Variants in TRIM61 observed in about 807,000 individuals in gnomAD.
TRIM61 encodes the protein putative tripartite motif-containing protein 61.
In TRIM61, 1 loss-of-function variant was observed where a neutral mutation model predicts 14.2. That is an observed-to-expected ratio of 0.07 (90% CI 0.03 to 0.33). TRIM61 has a LOEUF of 0.33. TRIM61 is among the 10% of genes least tolerant of loss of function. The pLI, the probability that TRIM61 is intolerant of heterozygous loss-of-function variation, is 0.99. For synonymous variants in TRIM61, 8 were observed against 71.6 expected (o/e 0.11, Z 4.49); for missense variants, 19 against 202.2 (o/e 0.09, Z 5.49).
At chr4:164,966,880 T>C (rs762630216) in intron 3 of TRIM61, among the ~76,000 whole-genome samples, 8 of 151,966 alleles carry the variant, frequency 5.3e-5, no homozygotes, top group Non-Finnish European at 7.4e-5. Context: ...TGAGACGAGA[T>C]AATGCCATTG....
chr4:164,963,266 C>T (rs1732173510), intron 3 of TRIM61, among the ~76,000 whole-genome samples: 1 of 152,026 alleles, frequency 6.6e-6, no homozygotes, highest in Non-Finnish European at 1.5e-5. Flanking sequence ...TTTTGAAGTC[C>T]ATGGTGGGTG....
intron 2 of TRIM61, among the ~76,000 whole-genome samples, chr4:164,971,223 T>G (rs1732358345): frequency 6.6e-6 from 1 of 152,170 alleles, no homozygotes; most frequent in South Asian, 2.1e-4. Flanking sequence ...TAAAATGCCC[T>G]TGTTGTTAGG....
intron 3 of TRIM61, chr4:164,969,121 T>C (rs545215199): frequency 2.7e-6 from 3 of 1,117,202 alleles, no homozygotes; most frequent in African/African-American, 1.7e-5. Flanking sequence ...TTACATCTAC[T>C]TGAAATCGCT....
chr4:164,959,026 T>C (rs1490605627), intron 3 of TRIM61: 1 of 167,138 alleles, frequency 6.0e-6, no homozygotes, highest in Admixed American at 6.5e-5. Flanking sequence ...CATATGACTA[T>C]ATAATTGTTC....
At chr4:164,961,025 G>T (rs1732118673) in intron 3 of TRIM61, among the ~76,000 whole-genome samples, 1 of 150,396 alleles carries the variant, frequency 6.6e-6, no homozygotes, top group Non-Finnish European at 1.5e-5. Flanking sequence ...TTTTACAAAA[G>T]AAACAAAAAA....
chr4:164,958,773 T>G (rs1374942176), intron 3 of TRIM61: 1 of 167,064 alleles, frequency 6.0e-6, no homozygotes, highest in Non-Finnish European at 1.5e-5. Flanking sequence ...CAAAACAGGC[T>G]TATATAAAAA....
chr4:164,959,340 T>C (rs1214340846), intron 3 of TRIM61, among the ~76,000 whole-genome samples: 1 of 152,096 alleles, frequency 6.6e-6, no homozygotes, highest in Non-Finnish European at 1.5e-5. Flanking sequence ...AAGAATTATC[T>C]TTTATCTTCT....
At chr4:164,960,936 G>T (rs1378637863) in intron 3 of TRIM61, among the ~76,000 whole-genome samples, 1 of 151,912 alleles carries the variant, frequency 6.6e-6, no homozygotes, top group Non-Finnish European at 1.5e-5. Flanking sequence ...GGGTGGCAGA[G>T]TAAGACTCTA....
chr4:164,965,801 CA>C (rs1453689878), intron 3 of TRIM61, among the ~76,000 whole-genome samples: 1 of 143,458 alleles, frequency 7.0e-6, no homozygotes, highest in African/African-American at 2.5e-5. Context: ...GTTAAAAATA[CA>C]TAAGAGTGAA....
At chr4:164,972,996 CAA>C (rs1732402899) in intron 2 of TRIM61, among the ~76,000 whole-genome samples, 1 of 152,152 alleles carries the variant, frequency 6.6e-6, no homozygotes, top group African/African-American at 2.4e-5. Context: ...CGAAAACAAA[CAA>C]ACAAACACAG....
intron 2 of TRIM61, among the ~76,000 whole-genome samples, chr4:164,972,264 C>A (rs1732384364): frequency 6.6e-6 from 1 of 152,132 alleles, no homozygotes; most frequent in South Asian, 2.1e-4. Context: ...TTTCTTTGAC[C>A]TGTAAAATGG....
Position 164,963,138 on chromosome 4 carries a change from C to G in TRIM61, c.525+6340G>C, listed in dbSNP as rs913201337. On this transcript the variant is annotated intron_variant, in intron 3 of 4. Transcript: ENST00000329314. ...GAGTGCACCTGTAGTCCCAGCTATT[C>G]AGGAGGCTGAGGCAGAGAGTAGGAG... Among the ~76,000 whole-genome samples, 7 of 151,930 alleles carry G rather than the reference C, an allele frequency of 4.6e-5. 1 individual carries two copies. Among genetic ancestry groups the G allele is most frequent in the Admixed American group, 3.3e-4 (5 of 15,258 alleles).
intron 3 of TRIM61, among the ~76,000 whole-genome samples, chr4:164,956,706 ATTCTC>A (rs1731996525): frequency 6.6e-6 from 1 of 152,224 alleles, no homozygotes; most frequent in South Asian, 2.1e-4. Context: ...AGCAACTGGA[ATTCTC>A]TTCTGTTAAG....
chr4:164,977,175 G>C (rs1732499598), intron 1 of TRIM61, among the ~76,000 whole-genome samples: 2 of 152,118 alleles, frequency 1.3e-5, no homozygotes. Flanking sequence ...CATAGGTCGA[G>C]GGTGCAGACG....
chr4:164,976,042 A>G (rs1258318089), intron 2 of TRIM61, among the ~76,000 whole-genome samples: 1 of 152,194 alleles, frequency 6.6e-6, no homozygotes, highest in East Asian at 1.9e-4. Context: ...GTGGAGAGAA[A>G]CATAAATCTG....
intron 3 of TRIM61, chr4:164,957,018 A>G (rs3733419): frequency 0.18 from 263,772 of 1,494,314 alleles, 29,075 homozygotes; most frequent in East Asian, 0.6. Flanking sequence ...CATGTACCAC[A>G]GTGGATGGAA....
At chr4:164,975,690 C>T (rs1233889767) in intron 2 of TRIM61, among the ~76,000 whole-genome samples, 1 of 152,212 alleles carries the variant, frequency 6.6e-6, no homozygotes, top group Non-Finnish European at 1.5e-5. Flanking sequence ...CGGAAAGCCA[C>T]AGGGACCTCT....
At chr4:164,963,806 G>C (rs1316845521) in intron 3 of TRIM61, among the ~76,000 whole-genome samples, 2 of 149,600 alleles carry the variant, frequency 1.3e-5, no homozygotes, top group Non-Finnish European at 3.0e-5. Flanking sequence ...AATTATAATA[G>C]ATATTACAGA....
At chr4:164,956,908 C>G in intron 3 of TRIM61, 1 of 1,049,962 alleles carries the variant, frequency 9.5e-7, no homozygotes, top group Non-Finnish European at 1.3e-6. Flanking sequence ...GAAGTCGGAG[C>G]GGCAGAGCAG....
Sources: gnomAD v4.1 joint callset for allele counts (sites outside exome capture counted in the v4.1 genomes callset) on GRCh38, gnomAD v4.1.1 for gene constraint, MANE v1.5 for transcripts, NCBI Gene and HGNC (gene_info 2026-07-23, HGNC 2026-07-21) for gene names.